The following OTOG variants were observed in gnomAD, a reference collection of about 807,000 sequenced individuals.
OTOG encodes the protein otogelin.
In OTOG, 296 loss-of-function variants were observed where a neutral mutation model predicts 313.8. The ratio of observed to expected loss-of-function variants is 0.94; its 90% CI spans 0.86 to 1.04. The LOEUF is 1.04. OTOG is among the 50% of genes least tolerant of loss of function. The probability of loss-of-function intolerance (pLI) is 0.00; values close to 1 mark genes in which losing one functional copy is unlikely to be tolerated. For synonymous variants in OTOG, 1,533 were observed against 1,554.9 expected (o/e 0.99, Z 0.33); for missense variants, 3,948 against 3,840.1 (o/e 1.03, Z -0.74).
At chr11:17,612,042 C>T (rs766133098) in intron 36 of OTOG, 120 bp from the exon 37 acceptor site, 3 of 1,250,644 alleles carry the variant, frequency 2.4e-6, no homozygotes, top group Non-Finnish European at 3.3e-6. Context: ...GGCCTCTTTC[C>T]CTAGAAGGTC....
chr11:17,608,298 G>A lies in OTOG; in HGVS notation c.4159G>A (p.Ala1387Thr), dbSNP rs1321444086. 1 of 1,526,146 alleles carries A rather than the reference G, an allele frequency of 6.6e-7. No homozygotes were observed. The highest frequency in any genetic ancestry group is 2.1e-5 in the Admixed American group (1 of 47,704). 94.5% of individuals were successfully genotyped at this position (1,526,146 alleles called of 1,614,324 possible). The change falls in exon 34 of 56, where the codon GCC becomes ACC. Residue 1387 changes from alanine (A) to threonine (T), a missense_variant and splice_region_variant. Coordinates refer to ENST00000399397, the MANE Select transcript of OTOG (RefSeq NM_001292063.2). ...TGCTGCCCCATCTCACTTTCTAGAT[G>A]CCAAGCCCTCGGGGGCTGCCTACCC... ...RRGTLFRLLD[A>T]KPSGAAYPIC...
At chr11:17,613,578 C>T (rs1853650422) in intron 38 of OTOG, 34 bp from the exon 39 acceptor site, 2 of 1,530,752 alleles carry the variant, frequency 1.3e-6, no homozygotes. Flanking sequence ...GAGGACAGGG[C>T]TCCAAGTTGA....
chr11:17,635,547 G>A (rs1854243817), intron 46 of OTOG, 63 bp from the exon 47 acceptor site: 22 of 1,340,096 alleles, frequency 1.6e-5, no homozygotes, highest in African/African-American at 2.9e-5. Flanking sequence ...CCCCAGCAAC[G>A]TGCTGTGTGC....
rs958183727 is a variant in OTOG, at chr11:17,612,268, G to T, written c.6230G>T (p.Gly2077Val). The T allele has an allele frequency of 2.6e-6, 4 of 1,545,736 alleles. No individual in the cohort carries two copies. The highest frequency in any genetic ancestry group is 3.5e-6 in the Non-Finnish European group (4 of 1,146,922). ...CPQGAAPPRCGILGLAVRVGG... is the reference protein window; with the variant it reads ...CPQGAAPPRCVILGLAVRVGG... ...CAGGGTGCTGCTCCCCCTCGCTGTG[G>T]GATCCTGGGCCTCGCCGTGCGGGTG... is the stretch of plus-strand genomic sequence containing the variant. Residue 2077 changes from glycine (G) to valine (V), a missense_variant, in exon 37 of 56, where the codon GGG becomes GTG. Gly to Val is a moderately radical substitution (Grantham distance 109). Coordinates refer to ENST00000399397, the MANE Select transcript of OTOG (RefSeq NM_001292063.2).
intron 39 of OTOG, among the ~76,000 whole-genome samples, chr11:17,621,011 A>G (rs1384277644): frequency 5.9e-5 from 9 of 152,158 alleles, no homozygotes; most frequent in Admixed American, 5.2e-4. Flanking sequence ...TTGAGCACAT[A>G]TAGTTAAAAC....
intron 34 of OTOG, among the ~76,000 whole-genome samples, chr11:17,608,825 G>A (rs140220950): frequency 1.6e-3 from 237 of 152,314 alleles, no homozygotes; most frequent in African/African-American, 5.1e-3. Flanking sequence ...AATGTGCCCA[G>A]GCAGAGACAC....
rs1280989389 is a variant in OTOG, at chr11:17,611,123, T to G, written c.5823T>G (p.Pro1941=). The change falls in exon 36 of 56, where the codon CCT becomes CCG. Residue 1941 remains proline, a synonymous_variant. Transcript: ENST00000399397. The part of the protein sequence containing the change: ...PTELTPATSH[P]LTPLVAEPEG... ...AGCTCACGCCTGCTACGAGCCACCC[T>G]CTCACGCCCTTGGTGGCTGAGCCCG... 3 of 1,550,318 alleles carry G rather than the reference T, an allele frequency of 1.9e-6. No homozygotes were observed. The highest frequency in any genetic ancestry group is 2.6e-6 in the Non-Finnish European group (3 of 1,146,922).
chr11:17,617,087 G>T (rs1853738892), intron 39 of OTOG, among the ~76,000 whole-genome samples: 1 of 152,090 alleles, frequency 6.6e-6, no homozygotes, highest in Admixed American at 6.6e-5. Context: ...TTTGTCAAAT[G>T]CTTTTTTCTG....
rs1205600196 is a variant in OTOG, at chr11:17,599,760, C to G, written c.3709+63C>G. The G allele has an allele frequency of 8.6e-6, 13 of 1,518,266 alleles. No homozygotes were observed. In the Admixed American group the frequency reaches 2.6e-4, roughly 30 times the overall value. The allele number at this position is 1,518,266 out of a possible 1,614,324, so 94.0% of individuals were successfully genotyped here. A position where few individuals can be genotyped will look rare whatever the true frequency, so the allele number is the denominator to read the frequency against. Reference sequence around the variant, plus strand: ...AGGCACTGCCAGCCCTGTCCTGACGCCACACAGCATCAGCCATCCCGAGGC... The same window carrying G: ...AGGCACTGCCAGCCCTGTCCTGACGGCACACAGCATCAGCCATCCCGAGGC... On this transcript the variant is annotated intron_variant, in intron 31 of 55. Transcript: ENST00000399397.
In OTOG at chr11:17,639,001, C is replaced by T. The variant is rs1017211818; in HGVS notation, c.7895-422C>T. On this transcript the variant is annotated intron_variant, in intron 48 of 55. Coordinates refer to ENST00000399397, the MANE Select transcript of OTOG (RefSeq NM_001292063.2). ...TAAGAGGGTGGACGTTGCAGTGAGT[C>T]AAGATAGCGCCACTGCACTCCAGCC... 1.1e-5 allele frequency: 4 copies of T among 361,236 alleles called. No individual in the cohort carries two copies. The Admixed American group carries it at 1.5e-4, about 13-fold the overall frequency. 22.4% of individuals were successfully genotyped at this position (361,236 alleles called of 1,614,324 possible).
intron 22 of OTOG, 66 bp from the exon 23 acceptor site, chr11:17,578,307 G>A (rs1253041521): frequency 2.1e-6 from 3 of 1,410,368 alleles, no homozygotes; most frequent in Non-Finnish European, 1.8e-6. Flanking sequence ...TCCAGCTGCT[G>A]CCCCTGTAGC....
chr11:17,579,225 G>A (rs1243337554), intron 23 of OTOG, among the ~76,000 whole-genome samples: 3 of 152,214 alleles, frequency 2.0e-5, no homozygotes, highest in Non-Finnish European at 4.4e-5. Context: ...GCAGAGATTA[G>A]TGGTCACCCG....
Position 17,627,661 on chromosome 11 carries a change from A to C in OTOG, c.6529-1472A>C, listed in dbSNP as rs150070663. On this transcript the variant is annotated intron_variant, in intron 39 of 55. Coordinates refer to ENST00000399397, the MANE Select transcript of OTOG (RefSeq NM_001292063.2). ...TAATAGTGTGAGTAGGATTGGTATTAACTCTTCTTCAAATGTTTGGTAGAA... is the reference window on the plus strand; with the variant it reads ...TAATAGTGTGAGTAGGATTGGTATTCACTCTTCTTCAAATGTTTGGTAGAA... 2.1e-3 allele frequency among the ~76,000 whole-genome samples: 324 copies of C among 150,774 alleles called. 1 individual carries two copies. The highest frequency in any genetic ancestry group is 7.8e-3 in the African/African-American group (313 of 40,236).
rs729945 is a variant in OTOG at position 17,592,492 on chromosome 11, A to G, written c.3007-701A>G. Among the ~76,000 whole-genome samples, 1,523 of 152,306 alleles carry G rather than the reference A, an allele frequency of 1.0e-2. 29 individuals are homozygous for G. Among genetic ancestry groups the G allele is most frequent in the African/African-American group, 0.035 (1,454 of 41,548 alleles). On this transcript the variant is annotated intron_variant, in intron 25 of 55. Coordinates refer to ENST00000399397, the MANE Select transcript of OTOG (RefSeq NM_001292063.2). ...TTCTTCTGTTCCTATCTCCTGTTAA[A>G]TAACCACTCCAGTCAGGGATGAATC...
At chr11:17,637,742 C>T (rs181045915) in intron 47 of OTOG, among the ~76,000 whole-genome samples, 1 of 152,282 alleles carries the variant, frequency 6.6e-6, no homozygotes, top group African/African-American at 2.4e-5. Flanking sequence ...AGAAAATAAC[C>T]TATTACTTTG....
In OTOG at chr11:17,573,272, G is replaced by T; in HGVS notation, c.2275G>T (p.Ala759Ser). 6.5e-7 allele frequency: 1 copy of T among 1,527,972 alleles called. No homozygotes were observed. 94.7% of individuals were successfully genotyped at this position (1,527,972 alleles called of 1,614,324 possible). A position where few individuals can be genotyped will look rare whatever the true frequency, so the allele number is the denominator to read the frequency against. The part of the protein sequence containing the change: ...RRHGLPVDFR[A>S]RLPACALSCE... ...CCATGGGCTCCCCGTTGATTTCCGC[G>T]CCCGCCTGCCAGCCTGTGGTGAGTG... is the stretch of plus-strand genomic sequence containing the variant. Residue 759 changes from alanine to serine, a missense_variant, in exon 19 of 56, where the codon GCC (alanine) becomes TCC (serine). Coordinates refer to ENST00000399397, the MANE Select transcript of OTOG (RefSeq NM_001292063.2).
At position 17,596,038 on chromosome 11, in the gene OTOG, T is replaced by A. The variant is rs1382258668; in HGVS notation, c.3409T>A (p.Cys1137Ser). Residue 1137 changes from cysteine (C) to serine (S), a missense_variant and splice_region_variant, in exon 29 of 56, where the codon TGC becomes AGC. By Grantham distance (112) the Cys-to-Ser change is moderately radical (BLOSUM62 -1). Coordinates refer to ENST00000399397, the MANE Select transcript of OTOG (RefSeq NM_001292063.2). ...EFGSSWAAVE[C>S]PDTLDPRDMC... is the part of the protein sequence containing the mutation. ...CAACAGCCCTGCCTTTGCCCCTCAG[T>A]GCCCAGACACCCTCGATCCTCGGGA... 1.9e-6 allele frequency: 3 copies of A among 1,549,868 alleles called. No individual in the cohort carries two copies. Among genetic ancestry groups the A allele is most frequent in the Non-Finnish European group, 2.6e-6 (3 of 1,146,274 alleles).
In OTOG at chr11:17,634,856, C is replaced by A. The variant is rs1422339846; in HGVS notation, c.7493C>A (p.Thr2498Asn). The A allele has an allele frequency of 7.1e-6, 11 of 1,549,298 alleles. No homozygotes were observed. The highest frequency in any genetic ancestry group is 9.6e-6 in the Non-Finnish European group (11 of 1,146,706). The part of the protein sequence containing the change: ...CLGTVCVCNQ[T>N]LCEGLAPTCR... ...TCCCCGGGGCCAGTGTGTAACCAGA[C>A]TCTGTGTGAGGGTCTCGCCCCCACA... is the stretch of plus-strand genomic sequence containing the variant. Residue 2498 changes from threonine (T) to asparagine (N), a missense_variant, in exon 45 of 56, where the codon ACT becomes AAT. Coordinates refer to ENST00000399397, the MANE Select transcript of OTOG (RefSeq NM_001292063.2).
chr11:17,564,597 C>G (rs968266723), intron 15 of OTOG, among the ~76,000 whole-genome samples: 1 of 152,120 alleles, frequency 6.6e-6, no homozygotes, highest in Non-Finnish European at 1.5e-5. Context: ...GGAGAGAAGT[C>G]AAAGATGAAG....
Sources: allele counts gnomAD v4.1 joint callset (sites outside exome capture counted in the v4.1 genomes callset), GRCh38; gene constraint gnomAD v4.1.1; transcripts MANE v1.5; gene names NCBI Gene and HGNC (gene_info 2026-07-23, HGNC 2026-07-21).